Variants in PTPRD observed in about 807,000 individuals in gnomAD.
The protein encoded by PTPRD is receptor-type tyrosine-protein phosphatase delta.
Under a neutral mutation model 214.5 loss-of-function variants are expected in PTPRD, and 34 were observed. That is an observed-to-expected ratio of 0.16 (90% CI 0.12 to 0.21). PTPRD has a LOEUF of 0.21. PTPRD is among the 10% of genes least tolerant of loss of function. The pLI, the probability that PTPRD is intolerant of heterozygous loss-of-function variation, is 1.00. For missense variants in PTPRD, 2,545 were observed against 2,398.7 expected, an observed-to-expected ratio of 1.06 and a Z score of -1.27; for synonymous variants, 1,128 against 845.7, an observed-to-expected ratio of 1.33 and a Z score of -5.79.
At chr9:8,326,454 C>A (rs537934350) in intron 44 of PTPRD, among the ~76,000 whole-genome samples, 1 of 151,574 alleles carries the variant, frequency 6.6e-6, no homozygotes, top group African/African-American at 2.4e-5. Context: ...TTTTGATGTG[C>A]TGCTGGATTC....
intron 8 of PTPRD, among the ~76,000 whole-genome samples, chr9:9,398,281 AT>A (rs759123739): frequency 4.0e-5 from 6 of 151,856 alleles, no homozygotes; most frequent in Non-Finnish European, 8.8e-5. Context: ...TTCCCACCAT[AT>A]TTTATATGTT....
intron 7 of PTPRD, among the ~76,000 whole-genome samples, chr9:9,612,913 TA>T (rs1260267242): frequency 6.6e-6 from 1 of 151,836 alleles, no homozygotes; most frequent in East Asian, 1.9e-4. Flanking sequence ...AGATATTTTC[TA>T]GGGTATTTAC....
At chr9:8,708,521 C>A (rs2098256835) in intron 12 of PTPRD, among the ~76,000 whole-genome samples, 1 of 150,808 alleles carries the variant, frequency 6.6e-6, no homozygotes. Context: ...CAAAAAAATA[C>A]AAAAAAAATT....
At position 8,777,734 on chromosome 9, in the gene PTPRD, G is replaced by T. The variant is rs111671752; in HGVS notation, c.-103-43788C>A. Among the ~76,000 whole-genome samples, 383 of 152,252 alleles carry T rather than the reference G, an allele frequency of 2.5e-3. 1 individual carries two copies. The highest frequency in any genetic ancestry group is 8.1e-3 in the African/African-American group (336 of 41,540). ...GGTCATATATTAAATTGAATTGAAA[G>T]CCTTATTTACTGTACTTCCTGATTT... On this transcript the variant is annotated intron_variant, in intron 11 of 45. Transcript: ENST00000381196.
At chr9:9,563,795 G>T (rs891149044) in intron 8 of PTPRD, among the ~76,000 whole-genome samples, 4 of 152,072 alleles carry the variant, frequency 2.6e-5, no homozygotes, top group Non-Finnish European at 4.4e-5. Flanking sequence ...CTCTTATCTT[G>T]CATTCTCATA....
At chr9:10,322,479 A>T (rs1482970176) in intron 3 of PTPRD, among the ~76,000 whole-genome samples, 1 of 152,008 alleles carries the variant, frequency 6.6e-6, no homozygotes, top group Non-Finnish European at 1.5e-5. Flanking sequence ...ATATACAGTG[A>T]TTTTAGGATA....
intron 12 of PTPRD, among the ~76,000 whole-genome samples, chr9:8,685,404 C>T (rs566945418): frequency 2.0e-5 from 3 of 152,060 alleles, no homozygotes; most frequent in South Asian, 2.1e-4. Flanking sequence ...AACCAACAGA[C>T]GAGAGCTTAA....
chr9:9,197,366 G>A (rs2099939205), intron 9 of PTPRD, among the ~76,000 whole-genome samples: 1 of 152,122 alleles, frequency 6.6e-6, no homozygotes, highest in Admixed American at 6.5e-5. Context: ...GTCGTCTTCA[G>A]CTGGAGTGCA....
intron 5 of PTPRD, among the ~76,000 whole-genome samples, chr9:9,924,886 C>A (rs955004864): frequency 4.6e-5 from 7 of 152,042 alleles, no homozygotes; most frequent in African/African-American, 1.4e-4. Context: ...GAATGAAGCA[C>A]CTTCTGTCCT....
chr9:10,449,296 C>T (rs1391475123), intron 2 of PTPRD, among the ~76,000 whole-genome samples: 1 of 151,926 alleles, frequency 6.6e-6, no homozygotes, highest in Non-Finnish European at 1.5e-5. Context: ...CCACCTGGGC[C>T]TCCCGAGGCG....
intron 2 of PTPRD, among the ~76,000 whole-genome samples, chr9:10,517,052 G>A (rs1199314833): frequency 6.6e-6 from 1 of 151,764 alleles, no homozygotes. Context: ...TGGATTCAGG[G>A]TCATTTGTAA....
At chr9:9,582,563 G>A (rs112690747) in intron 7 of PTPRD, among the ~76,000 whole-genome samples, 4,967 of 152,116 alleles carry the variant, frequency 0.033, 225 homozygotes, top group African/African-American at 0.1. Flanking sequence ...GTTTATCAGA[G>A]AATAAAACGT....
At chr9:10,392,323 C>G (rs1181761672) in intron 2 of PTPRD, among the ~76,000 whole-genome samples, 1 of 151,870 alleles carries the variant, frequency 6.6e-6, no homozygotes, top group Non-Finnish European at 1.5e-5. Flanking sequence ...AAACTTCTTT[C>G]TGCAAGTAAA....
In PTPRD at chr9:10,231,117, G is replaced by T. The variant is rs149221905; in HGVS notation, c.-545+109846C>A. ...AAAAGCCAAATCTGGTAAGTCTTAG[G>T]GATTCCTATAAAGATAAATTATAAA... On this transcript the variant is annotated intron_variant, in intron 3 of 45. Coordinates refer to ENST00000381196, the MANE Select transcript of PTPRD (RefSeq NM_002839.4). 6.7e-3 allele frequency among the ~76,000 whole-genome samples: 1,025 copies of T among 151,974 alleles called. 3 individuals are homozygous for T. The highest frequency in any genetic ancestry group is 0.051 in the Middle Eastern group (15 of 294).
chr9:10,003,250 T>C (rs1389741446), intron 4 of PTPRD, among the ~76,000 whole-genome samples: 1 of 151,682 alleles, frequency 6.6e-6, no homozygotes, highest in African/African-American at 2.4e-5. Context: ...ACTGGATCTA[T>C]GGAGATGATG....
At chr9:10,563,843 T>C (rs547881171) in intron 2 of PTPRD, among the ~76,000 whole-genome samples, 15 of 151,916 alleles carry the variant, frequency 9.9e-5, no homozygotes, top group Non-Finnish European at 1.6e-4. Context: ...ATTTATTTAT[T>C]TATCTATTTA....
chr9:8,508,233 G>A (rs1268463731), intron 21 of PTPRD, among the ~76,000 whole-genome samples: 3 of 152,152 alleles, frequency 2.0e-5, no homozygotes, highest in Non-Finnish European at 2.9e-5. Context: ...AGACAATTTG[G>A]AAGAGCTGTT....
In PTPRD at chr9:10,476,480, G is replaced by A. The variant is rs147324188; in HGVS notation, c.-599-135463C>T. On this transcript the variant is annotated intron_variant, in intron 2 of 45. Coordinates refer to ENST00000381196, the MANE Select transcript of PTPRD (RefSeq NM_002839.4). ...GAACTACAATCCACTACTAAAGGAA[G>A]TAAAAGAGGACACAAACAAATGGAA... Among the ~76,000 whole-genome samples the A allele has an allele frequency of 4.6e-3, 691 of 151,852 alleles. 8 individuals are homozygous for A. The highest frequency in any genetic ancestry group is 0.016 in the African/African-American group (660 of 41,330).
intron 10 of PTPRD, among the ~76,000 whole-genome samples, chr9:9,162,667 T>C (rs1011053018): frequency 6.6e-6 from 1 of 152,090 alleles, no homozygotes; most frequent in South Asian, 2.1e-4. Context: ...GCATGGTTTT[T>C]CAGCATTAAA....
Sources: allele counts gnomAD v4.1 joint callset (sites outside exome capture counted in the v4.1 genomes callset), GRCh38; gene constraint gnomAD v4.1.1; transcripts MANE v1.5; gene names NCBI Gene and HGNC (gene_info 2026-07-23, HGNC 2026-07-21).